The following CAMK1D variants were observed in gnomAD, a reference collection of about 807,000 sequenced individuals.
CAMK1D encodes the protein calcium/calmodulin-dependent protein kinase type 1D.
A neutral mutation model predicts 47.7 loss-of-function variants in CAMK1D; 9 were observed. The observed-to-expected ratio is 0.19, with a 90% CI of 0.11 to 0.33. CAMK1D has a LOEUF of 0.33. Among genes scored for constraint, CAMK1D ranks in the 10% least tolerant of loss-of-function variants. The pLI is 1.00. For missense variants in CAMK1D, 291 were observed against 488.7 expected (o/e 0.60, Z 3.81); for synonymous variants, 184 against 184.9 (o/e 0.99, Z 0.04).
chr10:12,516,031 G>C (rs938817082), intron 1 of CAMK1D, among the ~76,000 whole-genome samples: 3 of 152,134 alleles, frequency 2.0e-5, no homozygotes, highest in Admixed American at 2.0e-4. Flanking sequence ...CCTTTTCGTT[G>C]CTGAATGGTA....
intron 3 of CAMK1D, among the ~76,000 whole-genome samples, chr10:12,700,713 G>A (rs1833485954): frequency 6.6e-6 from 1 of 152,200 alleles, no homozygotes; most frequent in Admixed American, 6.5e-5. Context: ...GAAGCAGGAA[G>A]GCACAGTGTC....
chr10:12,647,251 C>T (rs771936189), intron 2 of CAMK1D, among the ~76,000 whole-genome samples: 9 of 145,356 alleles, frequency 6.2e-5, no homozygotes, highest in South Asian at 2.2e-4. Context: ...CCAGTTGAAG[C>T]GATCCTCCTG....
chr10:12,358,714 C>G (rs1837581567), intron 1 of CAMK1D, among the ~76,000 whole-genome samples: 1 of 152,094 alleles, frequency 6.6e-6, no homozygotes. Flanking sequence ...TCCTTAATCT[C>G]TCTGAGTTTA....
Position 12,825,676 on chromosome 10 carries a change from C to T in CAMK1D, c.1025C>T (p.Ala342Val), listed in dbSNP as rs868098610. The change falls in exon 10 of 11, where the codon GCC becomes GTC. Residue 342 changes from alanine to valine, a missense_variant. Coordinates refer to ENST00000619168, the MANE Select transcript of CAMK1D (RefSeq NM_153498.4). ...NASVSSSLSL[A>V]SQKDCLAPST... Reference sequence around the variant, plus strand: ...AGTGTTTCGAGCAGCCTCAGTTTGGCCAGCCAAAAAGACTGTGCGTATGTA... The same window carrying T: ...AGTGTTTCGAGCAGCCTCAGTTTGGTCAGCCAAAAAGACTGTGCGTATGTA... 2 of 1,614,210 alleles carry T rather than the reference C, an allele frequency of 1.2e-6. No homozygotes were observed. Among genetic ancestry groups the T allele is most frequent in the South Asian group, 1.1e-5 (1 of 91,080 alleles).
At chr10:12,548,085 A>C (rs566510149) in intron 1 of CAMK1D, among the ~76,000 whole-genome samples, 8 of 152,268 alleles carry the variant, frequency 5.3e-5, no homozygotes, top group African/African-American at 1.7e-4. Context: ...AGGGCCTCGG[A>C]GGCAGTAGGA....
chr10:12,695,052 A>C (rs1308395945), intron 3 of CAMK1D, among the ~76,000 whole-genome samples: 1 of 124,786 alleles, frequency 8.0e-6, no homozygotes, highest in Non-Finnish European at 1.8e-5. Flanking sequence ...AGATAGATAG[A>C]TAGATAGATA....
intron 1 of CAMK1D, among the ~76,000 whole-genome samples, chr10:12,419,618 G>T (rs1475894504): frequency 6.8e-6 from 1 of 146,994 alleles, no homozygotes; most frequent in African/African-American, 2.5e-5. Context: ...AAGTGATTCA[G>T]TCTTAGATCA....
intron 2 of CAMK1D, among the ~76,000 whole-genome samples, chr10:12,555,032 A>G (rs543742583): frequency 6.6e-6 from 1 of 152,316 alleles, no homozygotes; most frequent in South Asian, 2.1e-4. Context: ...GTGCTATGGA[A>G]ATTTTTAAGA....
At chr10:12,716,256 G>A (rs1304091352) in intron 3 of CAMK1D, among the ~76,000 whole-genome samples, 1 of 152,166 alleles carries the variant, frequency 6.6e-6, no homozygotes, top group Non-Finnish European at 1.5e-5. Context: ...TGCAGAGGAT[G>A]TCTTGTGTAT....
chr10:12,794,684 C>A (rs1838120207), intron 6 of CAMK1D, among the ~76,000 whole-genome samples: 1 of 152,134 alleles, frequency 6.6e-6, no homozygotes. Flanking sequence ...CACTGTCAGA[C>A]TTCAAGATGG....
At chr10:12,690,811 A>G (rs966542700) in intron 3 of CAMK1D, among the ~76,000 whole-genome samples, 3 of 152,008 alleles carry the variant, frequency 2.0e-5, no homozygotes, top group Non-Finnish European at 4.4e-5. Flanking sequence ...CAGTTGGGAA[A>G]GTTTTCACTG....
At chr10:12,726,176 A>G (rs895881202) in intron 3 of CAMK1D, among the ~76,000 whole-genome samples, 3 of 152,024 alleles carry the variant, frequency 2.0e-5, no homozygotes, top group Admixed American at 6.6e-5. Context: ...CTGTAATCCC[A>G]TTACTTTGGG....
chr10:12,733,048 T>C (rs1006193422), intron 3 of CAMK1D, among the ~76,000 whole-genome samples: 1 of 152,248 alleles, frequency 6.6e-6, no homozygotes, highest in Non-Finnish European at 1.5e-5. Flanking sequence ...GCAATTACGA[T>C]ACATACGATG....
chr10:12,700,202 A>T (rs1833456441), intron 3 of CAMK1D, among the ~76,000 whole-genome samples: 1 of 152,200 alleles, frequency 6.6e-6, no homozygotes, highest in South Asian at 2.1e-4. Context: ...CATGCTGCTA[A>T]TAAAGACATA....
At chr10:12,618,352 A>G (rs543115969) in intron 2 of CAMK1D, among the ~76,000 whole-genome samples, 1 of 152,234 alleles carries the variant, frequency 6.6e-6, no homozygotes, top group East Asian at 1.9e-4. Context: ...TCGCACTTTC[A>G]ATGCATGCTC....
intron 1 of CAMK1D, among the ~76,000 whole-genome samples, chr10:12,551,807 G>A (rs577050993): frequency 1.2e-4 from 19 of 152,190 alleles, no homozygotes; most frequent in African/African-American, 4.3e-4. Context: ...CTCCTCTCCC[G>A]GGTCCATGGA....
chr10:12,580,859 G>A (rs1214385536), intron 2 of CAMK1D, among the ~76,000 whole-genome samples: 1 of 152,160 alleles, frequency 6.6e-6, no homozygotes, highest in Admixed American at 6.5e-5. Context: ...GTGTTGAATG[G>A]CCAGCATTCT....
chr10:12,391,410 G>T (rs1171517340), intron 1 of CAMK1D, among the ~76,000 whole-genome samples: 2 of 152,224 alleles, frequency 1.3e-5, no homozygotes, highest in African/African-American at 2.4e-5. Flanking sequence ...TCTATTCAGG[G>T]TTTCCACAGG....
At chr10:12,620,156 C>T (rs1451326441) in intron 2 of CAMK1D, among the ~76,000 whole-genome samples, 3 of 124,156 alleles carry the variant, frequency 2.4e-5, no homozygotes, top group Admixed American at 1.0e-4. Context: ...GTCCGCAGTC[C>T]GGCCTGGGCG....
Sources: gnomAD v4.1 joint callset for allele counts (sites outside exome capture counted in the v4.1 genomes callset) on GRCh38, gnomAD v4.1.1 for gene constraint, MANE v1.5 for transcripts, NCBI Gene and HGNC (gene_info 2026-07-23, HGNC 2026-07-21) for gene names.